The following SRCAP variants were observed in gnomAD, a reference collection of about 807,000 sequenced individuals.
SRCAP encodes the protein chromatin remodeling protein SRCAP.
In SRCAP, 46 loss-of-function variants were observed where a neutral mutation model predicts 263.1. The observed-to-expected ratio is 0.17, with a 90% confidence interval of 0.14 to 0.22. The LOEUF (loss-of-function observed/expected upper bound fraction) is 0.22, where lower values mean the gene tolerates loss of function less well. Among genes scored for constraint, SRCAP ranks in the 10% least tolerant of loss-of-function variants. The pLI is 1.00. For synonymous variants in SRCAP, 1,813 were observed against 1,662.1 expected (o/e 1.09, Z -2.21); for missense variants, 3,695 against 4,181.9 (o/e 0.88, Z 3.21).
chr16:30,733,149 T>A lies in SRCAP; in HGVS notation c.6128-131T>A, dbSNP rs1567251700. 8 of 1,070,534 alleles carry A rather than the reference T, an allele frequency of 7.5e-6. No homozygotes were observed. The highest frequency in any genetic ancestry group is 2.7e-6 in the Non-Finnish European group (2 of 741,998). The allele number at this position is 1,070,534 out of a possible 1,614,324, so 66.3% of individuals were successfully genotyped here. A position where few individuals can be genotyped will look rare whatever the true frequency, so the allele number is the denominator to read the frequency against. On this transcript the variant is annotated intron_variant, in intron 27 of 33. Transcript: ENST00000262518. This position sits in a 1 kb window ranked among gnomAD's most constrained non-coding sequence, Gnocchi z 5.3. ...CCATGCCCTGCCGTAGTTAAACATT[T>A]TTGATCTGCTAGGCTAATTGAAACT...
intron 4 of SRCAP, among the ~76,000 whole-genome samples, chr16:30,706,023 C>A (rs569498700): frequency 6.6e-6 from 1 of 152,140 alleles, no homozygotes; most frequent in Admixed American, 6.5e-5. Flanking sequence ...CAGATGATTC[C>A]GGTGCCTCCT....
rs1310290449 is a variant in SRCAP, at chr16:30,738,915, G to T, written c.8875G>T (p.Asp2959Tyr). The change falls in exon 34 of 34, where the codon GAT becomes TAT. Residue 2959 changes from aspartate to tyrosine, a missense_variant. This residue lies in a region of SRCAP where 1,207 missense variants were observed against 1,142.9 expected (regional missense o/e 1.06). Transcript: ENST00000262518. Reference protein sequence around the residue: ...PIPGTISSAGDGNSESRTQPP... With the variant: ...PIPGTISSAGYGNSESRTQPP... ...CCCTGGGACCATTTCCTCTGCAGGG[G>T]ATGGCAACTCCGAAAGTCGGACACA... The T allele has an allele frequency of 2.5e-6, 4 of 1,614,010 alleles. No homozygotes were observed. The African/African-American group carries it at 4.0e-5, about 16-fold the overall frequency.
chr16:30,739,325 C>A lies in SRCAP; in HGVS notation c.9285C>A (p.Asp3095Glu). 2 of 1,614,182 alleles carry A rather than the reference C, an allele frequency of 1.2e-6. No homozygotes were observed. The highest frequency in any genetic ancestry group is 8.5e-7 in the Non-Finnish European group (1 of 1,180,016). The change falls in exon 34 of 34, where the codon GAC becomes GAA. Residue 3095 changes from aspartate to glutamate, a missense_variant. Asp to Glu is a conservative substitution (Grantham distance 45). This residue lies in a region of SRCAP where 1,207 missense variants were observed against 1,142.9 expected (regional missense o/e 1.06). Transcript: ENST00000262518. ...TGGCTGTAATTCAGGATGACCTGGACTTAGCAGATAGCGGGCCAGGCGGGT... is the reference window on the plus strand; with the variant it reads ...TGGCTGTAATTCAGGATGACCTGGAATTAGCAGATAGCGGGCCAGGCGGGT... ...MVVAVIQDDLDLADSGPGGLE... is the reference protein window; with the variant it reads ...MVVAVIQDDLELADSGPGGLE...
Position 30,739,166 on chromosome 16 carries a change from G to T in SRCAP, c.9126G>T (p.Arg3042=). 6.2e-7 allele frequency: 1 copy of T among 1,614,002 alleles called. No individual in the cohort carries two copies. Among genetic ancestry groups the T allele is most frequent in the Non-Finnish European group, 8.5e-7 (1 of 1,180,002 alleles). Reference sequence around the variant, plus strand: ...AGAGCTGTGGATTGGGGAGGCGACGGCAACCCCAGGGCCAAGGGGAGAGTG... The same window carrying T: ...AGAGCTGTGGATTGGGGAGGCGACGTCAACCCCAGGGCCAAGGGGAGAGTG... ...VLESCGLGRR[R]QPQGQGESEG... is the part of the protein sequence containing the mutation. Residue 3042 remains arginine, a synonymous_variant, in exon 34 of 34, where the codon CGG becomes CGT. Transcript: ENST00000262518.
chr16:30,728,353 C>G (rs1345512048), intron 25 of SRCAP, among the ~76,000 whole-genome samples: 1 of 152,142 alleles, frequency 6.6e-6, no homozygotes, highest in Non-Finnish European at 1.5e-5. Context: ...ATAAGTGATA[C>G]AAAGAAGTTT....
chr16:30,729,482 G>A lies in SRCAP; in HGVS notation c.6037G>A (p.Glu2013Lys). The change falls in exon 27 of 34, where the codon GAG becomes AAG. Residue 2013 changes from glutamate (E) to lysine (K), a missense_variant. Around this residue, in one of 12 missense-constraint regions of SRCAP, gnomAD observed 1,347 missense variants for 1,304.4 expected, o/e 1.03. Transcript: ENST00000262518. The stretch of plus-strand genomic sequence containing the variant: ...AGCCTTCCAGGAGCAATTGGCCTCT[G>A]AGCTCTGGCCCCGGGCTCGTCCTTT... ...QAAFQEQLAS[E>K]LWPRARPLHR... The A allele has an allele frequency of 1.9e-6, 3 of 1,614,200 alleles. No individual in the cohort carries two copies. The highest frequency in any genetic ancestry group is 2.5e-6 in the Non-Finnish European group (3 of 1,180,038).
chr16:30,711,894 A>G lies in SRCAP; in HGVS notation c.1552A>G (p.Ser518Gly). Residue 518 changes from serine to glycine, a missense_variant, in exon 12 of 34, where the codon AGT becomes GGT. Coordinates refer to ENST00000262518, the MANE Select transcript of SRCAP (RefSeq NM_006662.3). ...TGAACATTCAGAGGAGGAAGAAACA[A>G]GTGGAAGTTCAGCATCAGAGGAATC... Reference protein sequence around the residue: ...EDEHSEEEETSGSSASEESES... With the variant: ...EDEHSEEEETGGSSASEESES... The G allele has an allele frequency of 1.2e-6, 2 of 1,613,854 alleles. No individual in the cohort carries two copies. Among genetic ancestry groups the G allele is most frequent in the Non-Finnish European group, 1.7e-6 (2 of 1,180,002 alleles).
intron 18 of SRCAP, among the ~76,000 whole-genome samples, chr16:30,717,266 T>C (rs1312649406): frequency 2.0e-5 from 3 of 152,314 alleles, no homozygotes; most frequent in Non-Finnish European, 1.5e-5. Context: ...TTTGAAGAAA[T>C]GTCTTTTGAA....
At chr16:30,723,382 A>G (rs2053030464) in intron 24 of SRCAP, among the ~76,000 whole-genome samples, 153 bp downstream of exon 24, 2 of 152,262 alleles carry the variant, frequency 1.3e-5, no homozygotes, top group South Asian at 4.1e-4. Flanking sequence ...CTGAGCCCTG[A>G]CCTAATTTCA....
At chr16:30,718,694 C>T (rs369815970) in intron 18 of SRCAP, among the ~76,000 whole-genome samples, 9 of 150,626 alleles carry the variant, frequency 6.0e-5, no homozygotes, top group South Asian at 2.1e-4. Context: ...TGGTCTCGAA[C>T]GCCTGACCTC....
rs1354496119 is a variant in SRCAP, at chr16:30,729,020, T to C, written c.5713T>C (p.Phe1905Leu). The change falls in exon 26 of 34, where the codon TTC (phenylalanine) becomes CTC (leucine). Residue 1905 changes from phenylalanine (F) to leucine (L), a missense_variant. Transcript: ENST00000262518. ...RQRSERLERI[F>L]QLSEAHGALA... ...GCGGTCTGAACGCCTGGAACGGATTTTCCAACTTAGTGAGGCTCATGGGGC... is the reference window on the plus strand; with the variant it reads ...GCGGTCTGAACGCCTGGAACGGATTCTCCAACTTAGTGAGGCTCATGGGGC... 1 of 1,614,030 alleles carries C rather than the reference T, an allele frequency of 6.2e-7. No homozygotes were observed. The highest frequency in any genetic ancestry group is 8.5e-7 in the Non-Finnish European group (1 of 1,180,028).
Position 30,738,464 on chromosome 16 carries a change from C to T in SRCAP, c.8424C>T (p.Pro2808=). 6.3e-7 allele frequency: 1 copy of T among 1,579,000 alleles called. No individual in the cohort carries two copies. Among genetic ancestry groups the T allele is most frequent in the Non-Finnish European group, 8.6e-7 (1 of 1,162,760 alleles). Residue 2808 remains proline, a synonymous_variant, in exon 34 of 34, where the codon CCC becomes CCT. Transcript: ENST00000262518. ...GPESSPPIGG[P]CEAAPSSSLP... ...AATCCTCCCCTCCCATTGGTGGGCC[C>T]TGTGAAGCTGCTCCTTCATCCTCAC...
intron 20 of SRCAP, 95 bp downstream of exon 20, chr16:30,721,073 G>A (rs1410781628): frequency 6.5e-7 from 1 of 1,539,128 alleles, no homozygotes; most frequent in African/African-American, 1.4e-5. Flanking sequence ...TTGAGGAGCT[G>A]GGCTGGGGAC....
At chr16:30,735,412 C>G (rs1032093752) in intron 31 of SRCAP, among the ~76,000 whole-genome samples, 1 of 151,888 alleles carries the variant, frequency 6.6e-6, no homozygotes, top group Non-Finnish European at 1.5e-5. Context: ...TCCCAAAGTG[C>G]TGGGATTACA....
intron 3 of SRCAP, among the ~76,000 whole-genome samples, chr16:30,703,087 G>C (rs910963333): frequency 6.6e-6 from 1 of 151,286 alleles, no homozygotes; most frequent in African/African-American, 2.4e-5. Context: ...GGGTAAATAG[G>C]GAGTTGTTTA....
At chr16:30,702,730 T>C (rs909771058) in intron 3 of SRCAP, among the ~76,000 whole-genome samples, 1 of 150,588 alleles carries the variant, frequency 6.6e-6, no homozygotes, top group African/African-American at 2.5e-5. Context: ...CTCAGACTCC[T>C]GAGTAGCTGG....
Position 30,738,600 on chromosome 16 carries a change from C to T in SRCAP, c.8560C>T (p.Pro2854Ser), listed in dbSNP as rs750509683. Reference sequence around the variant, plus strand: ...CGGAGCACTGCTCGCCATCACCCCACCTGCTGTGAAACGTCGGAGGGGGAG... The same window carrying T: ...CGGAGCACTGCTCGCCATCACCCCATCTGCTGTGAAACGTCGGAGGGGGAG... The part of the protein sequence containing the change: ...GDGALLAITP[P>S]AVKRRRGRPP... Residue 2854 changes from proline to serine, a missense_variant, in exon 34 of 34, where the codon CCT (proline) becomes TCT (serine). Pro to Ser is a moderately conservative substitution (Grantham distance 74). This residue lies in a region of SRCAP where 1,207 missense variants were observed against 1,142.9 expected (regional missense o/e 1.06). Transcript: ENST00000262518. The T allele has an allele frequency of 3.7e-6, 6 of 1,604,022 alleles. No individual in the cohort carries two copies. The highest frequency in any genetic ancestry group is 5.1e-6 in the Non-Finnish European group (6 of 1,174,732).
At position 30,725,102 on chromosome 16, in the gene SRCAP, G is replaced by A. The variant is rs1216000577; in HGVS notation, c.5658+20G>A. 2.5e-6 allele frequency: 4 copies of A among 1,582,922 alleles called. No homozygotes were observed. Among genetic ancestry groups the A allele is most frequent in the South Asian group, 1.2e-5 (1 of 86,256 alleles). On this transcript the variant is annotated intron_variant, in intron 25 of 33. Coordinates refer to ENST00000262518, the MANE Select transcript of SRCAP (RefSeq NM_006662.3). Reference sequence around the variant, plus strand: ...TATCTGGTAAGTTTTACTTCCTCAAGAGGGAACAGGAAGTTGAGTTTCTTT... The same window carrying A: ...TATCTGGTAAGTTTTACTTCCTCAAAAGGGAACAGGAAGTTGAGTTTCTTT...
At chr16:30,727,128 C>T (rs2053071862) in intron 25 of SRCAP, among the ~76,000 whole-genome samples, 1 of 152,132 alleles carries the variant, frequency 6.6e-6, no homozygotes, top group Non-Finnish European at 1.5e-5. Context: ...TGTGAGCCAC[C>T]ATGCCTGGCA....
Sources: gnomAD v4.1 joint callset for allele counts (sites outside exome capture counted in the v4.1 genomes callset) on GRCh38, gnomAD v4.1.1 for gene constraint, gnomAD v4.1.1 regional missense constraint, Gnocchi (gnomAD v3.1) non-coding constraint, MANE v1.5 for transcripts, NCBI Gene and HGNC (gene_info 2026-07-23, HGNC 2026-07-21) for gene names.